KMT2B: variants seen among roughly 807,000 people sequenced by gnomAD.
The protein encoded by KMT2B is lysine methyltransferase 2B.
In KMT2B, 22 loss-of-function variants were observed where a neutral mutation model predicts 255.3. The observed-to-expected ratio is 0.09, with a 90% CI of 0.06 to 0.12. The LOEUF is 0.12. Among genes scored for constraint, KMT2B ranks in the 10% least tolerant of loss-of-function variants. KMT2B has a pLI of 1.00. For missense variants in KMT2B, 3,149 were observed against 3,737.0 expected (o/e 0.84, Z 4.10); for synonymous variants, 1,730 against 1,498.1 (o/e 1.15, Z -3.57).
At chr19:35,719,726 C>T (rs1022633931) in intron 2 of KMT2B, 58 bp from the exon 3 acceptor site, 7 of 1,535,160 alleles carry the variant, frequency 4.6e-6, no homozygotes, top group Non-Finnish European at 6.1e-6. Flanking sequence ...TCCTGGAGCG[C>T]CTTCCTCTGT....
intron 3 of KMT2B, 134 bp downstream of exon 3, chr19:35,721,938 C>G (rs1969230828): frequency 2.4e-6 from 3 of 1,233,054 alleles, no homozygotes; most frequent in Middle Eastern, 2.1e-4. Flanking sequence ...TCTGTGATCC[C>G]CCACCTTCCT....
Position 35,733,234 on chromosome 19 carries a change from C to G in KMT2B, c.6685C>G (p.Pro2229Ala). ...GCCCCCCACCATTTCCCCCACGGCT[C>G]CCACCTCCTGGACTCTGCCCCCAGG... ...PLPPTISPTA[P>A]TSWTLPPGPL... Residue 2229 changes from proline to alanine, a missense_variant, in exon 28 of 37, where the codon CCC becomes GCC. Around this residue, in one of 18 missense-constraint regions of KMT2B, gnomAD observed 897 missense variants for 825.3 expected, o/e 1.09. Transcript: ENST00000420124. This position sits in a 1 kb window ranked among gnomAD's most constrained non-coding sequence, Gnocchi z 4.3. The G allele has an allele frequency of 6.7e-7, 1 of 1,486,984 alleles. No homozygotes were observed. The highest frequency in any genetic ancestry group is 1.2e-5 in the South Asian group (1 of 81,390). The allele number at this position is 1,486,984 out of a possible 1,614,324, so 92.1% of individuals were successfully genotyped here. A position where few individuals can be genotyped will look rare whatever the true frequency, so the allele number is the denominator to read the frequency against.
chr19:35,729,126 T>G, intron 21 of KMT2B, 33 bp from the exon 22 acceptor site: 1 of 1,613,874 alleles, frequency 6.2e-7, no homozygotes, highest in Non-Finnish European at 8.5e-7. Flanking sequence ...TTCCCTGGCC[T>G]CCCCACATCA....
chr19:35,722,708 C>A lies in KMT2B; in HGVS notation c.2712C>A (p.Leu904=). The A allele has an allele frequency of 6.3e-7, 1 of 1,599,562 alleles. No homozygotes were observed. The highest frequency in any genetic ancestry group is 8.5e-7 in the Non-Finnish European group (1 of 1,172,804). ...SALPLRDRQD[L]ATEDTSSASE... is the part of the protein sequence containing the mutation. ...TCCCTCTCCGGGATCGGCAGGACCT[C>A]GCCACAGAGGGTAGGTGGGGAGACT... The change falls in exon 5 of 37, where the codon CTC becomes CTA. Residue 904 remains leucine, a synonymous_variant. Transcript: ENST00000420124.
chr19:35,726,264 G>A lies in KMT2B; in HGVS notation c.3914G>A (p.Ser1305Asn). Residue 1305 changes from serine (S) to asparagine (N), a missense_variant, in exon 14 of 37, where the codon AGC becomes AAC. Around this residue, in one of 18 missense-constraint regions of KMT2B, gnomAD observed 377 missense variants for 471.0 expected, o/e 0.80. Transcript: ENST00000420124. ...WICSACVRCK[S>N]CGATPGKNWD... The stretch of plus-strand genomic sequence containing the variant: ...TGTTCAGCCTGTGTGCGCTGTAAGA[G>A]CTGTGGGGCAACTCCAGGCAAGAAC... The A allele has an allele frequency of 6.2e-7, 1 of 1,613,808 alleles. No individual in the cohort carries two copies. The highest frequency in any genetic ancestry group is 8.5e-7 in the Non-Finnish European group (1 of 1,179,828).
chr19:35,727,417 TTTCCCAC>T lies in KMT2B; in HGVS notation c.4118-18_4118-12del, dbSNP rs375738361. 2 of 1,613,028 alleles carry T rather than the reference TTTCCCAC, an allele frequency of 1.2e-6. No homozygotes were observed. Among genetic ancestry groups the T allele is most frequent in the African/African-American group, 2.7e-5 (2 of 75,038 alleles). ...CACATCCTCTGAAACCACTTTTCCC[TTTCCCAC>T]TTGGCTATCCTAGATGAAGACTACG... On this transcript the variant is annotated splice_polypyrimidine_tract_variant and intron_variant, in intron 15 of 36. Coordinates refer to ENST00000420124, the MANE Select transcript of KMT2B (RefSeq NM_014727.3). The surrounding 1 kb of genome is among the most constrained non-coding windows in gnomAD (Gnocchi z 4.2).
chr19:35,723,399 C>T lies in KMT2B; in HGVS notation c.3003-48C>T. ...CTTGTGGAGAGCTTCCTCTCTTCCC[C>T]CAGACCACCAGTCCCCTACCCTGGT... is the stretch of plus-strand genomic sequence containing the variant. On this transcript the variant is annotated intron_variant, in intron 6 of 36. Coordinates refer to ENST00000420124, the MANE Select transcript of KMT2B (RefSeq NM_014727.3). This position sits in a 1 kb window ranked among gnomAD's most constrained non-coding sequence, Gnocchi z 7.5. 6.5e-7 allele frequency: 1 copy of T among 1,539,406 alleles called. No homozygotes were observed. The highest frequency in any genetic ancestry group is 8.8e-7 in the Non-Finnish European group (1 of 1,138,016).
chr19:35,725,374 T>C lies in KMT2B; in HGVS notation c.3642+41T>C. The C allele has an allele frequency of 6.4e-7, 1 of 1,563,350 alleles. No individual in the cohort carries two copies. On this transcript the variant is annotated intron_variant, in intron 11 of 36. Coordinates refer to ENST00000420124, the MANE Select transcript of KMT2B (RefSeq NM_014727.3). This position sits in a 1 kb window ranked among gnomAD's most constrained non-coding sequence, Gnocchi z 4.1. ...TTCTTCACAGACCCCCAGCTCTCTG[T>C]CGGTCCTCACGGCCTGATTCCTTGG... is the stretch of plus-strand genomic sequence containing the variant.
rs1969590269 is a variant in KMT2B, at chr19:35,729,246, G to A, written c.4867G>A (p.Asp1623Asn). 5.6e-6 allele frequency: 9 copies of A among 1,606,054 alleles called. No individual in the cohort carries two copies. Among genetic ancestry groups the A allele is most frequent in the African/African-American group, 1.3e-5 (1 of 74,812 alleles). Residue 1623 changes from aspartate to asparagine, a missense_variant, in exon 22 of 37, where the codon GAC becomes AAC. Coordinates refer to ENST00000420124, the MANE Select transcript of KMT2B (RefSeq NM_014727.3). ...IWSAEVFEEN[D>N]GSLKNVHAAV... The stretch of plus-strand genomic sequence containing the variant: ...GTCGGCGGAAGTCTTCGAGGAGAAC[G>A]ACGGCTCCCTCAAGAATGTGCATGC...
chr19:35,730,849 A>G lies in KMT2B; in HGVS notation c.5419A>G (p.Ser1807Gly). 1 of 1,608,428 alleles carries G rather than the reference A, an allele frequency of 6.2e-7. No individual in the cohort carries two copies. The highest frequency in any genetic ancestry group is 8.5e-7 in the Non-Finnish European group (1 of 1,177,206). Residue 1807 changes from serine to glycine, a missense_variant, in exon 26 of 37, where the codon AGC becomes GGC. Coordinates refer to ENST00000420124, the MANE Select transcript of KMT2B (RefSeq NM_014727.3). ...AAEENQTIVH[S>G]PAPSSEPPGG... ...AGAGGAGAACCAGACCATTGTGCAC[A>G]GCCCCGCCCCTTCCTCAGGTGTGGC...
Position 35,720,778 on chromosome 19 carries a change from C to T in KMT2B, c.1431C>T (p.Ser477=). The T allele has an allele frequency of 2.0e-6, 3 of 1,482,884 alleles. No individual in the cohort carries two copies. Among genetic ancestry groups the T allele is most frequent in the African/African-American group, 1.4e-5 (1 of 71,008 alleles). The allele number at this position is 1,482,884 out of a possible 1,614,324, so 91.9% of individuals were successfully genotyped here. ...GGGGCCGGCCTCCCCTGACTCCCAG[C>T]CAGCGGGCGGAGCGGGAAGCTGCTC... The part of the protein sequence containing the change: ...RKRGRPPLTP[S]QRAEREAARA... Residue 477 remains serine, a synonymous_variant, in exon 3 of 37, where the codon AGC becomes AGT. Transcript: ENST00000420124.
At position 35,722,456 on chromosome 19, in the gene KMT2B, A is replaced by G. The variant is rs1969258173; in HGVS notation, c.2555A>G (p.Lys852Arg). 6.2e-7 allele frequency: 1 copy of G among 1,608,540 alleles called. No individual in the cohort carries two copies. Among genetic ancestry groups the G allele is most frequent in the African/African-American group, 1.3e-5 (1 of 75,058 alleles). The change falls in exon 4 of 37, where the codon AAG (lysine) becomes AGG (arginine). Residue 852 changes from lysine to arginine, a missense_variant. Physicochemically the swap from Lys to Arg is conservative, Grantham distance 26. This residue lies in a region of KMT2B where 1,188 missense variants were observed against 1,106.4 expected (regional missense o/e 1.07). Transcript: ENST00000420124. ...TCTGAAGATGAGTCGGTGGAAGCTA[A>G]GAGAGAGCGGCCCTCAGTATGCATC... is the stretch of plus-strand genomic sequence containing the variant. ...VRSEDESVEAKRERPSGPESP... is the reference protein window; with the variant it reads ...VRSEDESVEARRERPSGPESP...
At position 35,721,349 on chromosome 19, in the gene KMT2B, C is replaced by T. The variant is rs1250224409; in HGVS notation, c.2002C>T (p.Pro668Ser). 3 of 1,581,704 alleles carry T rather than the reference C, an allele frequency of 1.9e-6. No homozygotes were observed. The highest frequency in any genetic ancestry group is 2.3e-5 in the East Asian group (1 of 42,912). Residue 668 changes from proline to serine, a missense_variant, in exon 3 of 37, where the codon CCT becomes TCT. Pro to Ser is a moderately conservative substitution (Grantham distance 74). This residue lies in a region of KMT2B where 1,188 missense variants were observed against 1,106.4 expected (regional missense o/e 1.07). Transcript: ENST00000420124. The stretch of plus-strand genomic sequence containing the variant: ...GAAGATCTACGAATCGGTGCTTACT[C>T]CTCCTCCTCTTGGGGCTCCTGAAGC... ...HLKIYESVLT[P>S]PPLGAPEAPE...
At chr19:35,736,568 C>T (rs1411299821) in intron 30 of KMT2B, 122 bp from the exon 31 acceptor site, 3 of 1,182,588 alleles carry the variant, frequency 2.5e-6, no homozygotes, top group East Asian at 2.6e-5. Context: ...GCCATTAGAC[C>T]CTAGTATCTG....
At position 35,738,303 on chromosome 19, in the gene KMT2B, C is replaced by T; in HGVS notation, c.7894C>T (p.Arg2632Cys). 1 of 1,613,808 alleles carries T rather than the reference C, an allele frequency of 6.2e-7. No individual in the cohort carries two copies. ...DGKGIGCYMF[R>C]MDDFDVVDAT... ...GCAGGGCATCGGGTGCTATATGTTC[C>T]GCATGGATGACTTTGATGTAGTGGA... Residue 2632 changes from arginine to cysteine, a missense_variant, in exon 37 of 37, where the codon CGC becomes TGC. Physicochemically the swap from Arg to Cys is radical, Grantham distance 180 (BLOSUM62 -3). This residue lies in a region of KMT2B where 56 missense variants were observed against 238.8 expected (regional missense o/e 0.23). Coordinates refer to ENST00000420124, the MANE Select transcript of KMT2B (RefSeq NM_014727.3). The surrounding 1 kb of genome is among the most constrained non-coding windows in gnomAD (Gnocchi z 8.7).
chr19:35,729,847 G>T, intron 22 of KMT2B, 120 bp from the exon 23 acceptor site: 5 of 977,762 alleles, frequency 5.1e-6, no homozygotes, highest in Non-Finnish European at 7.5e-6. Context: ...GAGAGGCTGC[G>T]CCTAGGGAGA....
chr19:35,719,707 T>A (rs1969103828), intron 2 of KMT2B, 77 bp from the exon 3 acceptor site: 1 of 1,531,474 alleles, frequency 6.5e-7, no homozygotes, highest in Admixed American at 2.0e-5. Context: ...CAAGACTTAG[T>A]CCCTGCCCTC....
Position 35,737,645 on chromosome 19 carries a change from C to T in KMT2B, c.7560C>T (p.Thr2520=), listed in dbSNP as rs1198090831. 7 of 1,559,080 alleles carry T rather than the reference C, an allele frequency of 4.5e-6. No homozygotes were observed. The East Asian group carries it at 1.2e-4, about 27-fold the overall frequency. ...CTGCTGCCACCTGCAGGAAGTGCAC[C>T]TTTGACATGTTCAACTTCCTGGCCT... ...ARAEVYLRKC[T]FDMFNFLASQ... Residue 2520 remains threonine (T), a synonymous_variant, in exon 34 of 37, where the codon ACC becomes ACT. Coordinates refer to ENST00000420124, the MANE Select transcript of KMT2B (RefSeq NM_014727.3). The surrounding 1 kb of genome is among the most constrained non-coding windows in gnomAD (Gnocchi z 5.3).
chr19:35,723,199 A>G lies in KMT2B; in HGVS notation c.2927A>G (p.Gln976Arg), dbSNP rs1287498488. ...CACTGTCGGGGCTGCCTACGTGTGCAGGACTGTGGGTCCTGTGTCAACTGC... is the reference window on the plus strand; with the variant it reads ...CACTGTCGGGGCTGCCTACGTGTGCGGGACTGTGGGTCCTGTGTCAACTGC... ...CGHCRGCLRV[Q>R]DCGSCVNCLD... Residue 976 changes from glutamine (Q) to arginine (R), a missense_variant, in exon 6 of 37, where the codon CAG becomes CGG. Physicochemically the swap from Gln to Arg is conservative, Grantham distance 43 (BLOSUM62 1). Around this residue, in one of 18 missense-constraint regions of KMT2B, gnomAD observed 132 missense variants for 174.7 expected, o/e 0.76. Transcript: ENST00000420124. This position sits in a 1 kb window ranked among gnomAD's most constrained non-coding sequence, Gnocchi z 7.5. 22 of 1,613,308 alleles carry G rather than the reference A, an allele frequency of 1.4e-5. 1 individual carries two copies. The highest frequency in any genetic ancestry group is 2.2e-5 in the South Asian group (2 of 91,090).
Sources: gnomAD v4.1 joint callset for allele counts on GRCh38, gnomAD v4.1.1 for gene constraint, gnomAD v4.1.1 regional missense constraint, Gnocchi (gnomAD v3.1) non-coding constraint, MANE v1.5 for transcripts, NCBI Gene and HGNC (gene_info 2026-07-23, HGNC 2026-07-21) for gene names.